The following ARHGAP6 variants were observed in gnomAD, a reference collection of about 807,000 sequenced individuals.
The protein encoded by ARHGAP6 is Rho GTPase activating protein 6.
ARHGAP6 carries 16 observed loss-of-function variants against 55.7 expected under a neutral mutation model. The observed-to-expected ratio is 0.29, with a 90% CI of 0.19 to 0.44. The LOEUF (loss-of-function observed/expected upper bound fraction) is 0.44. ARHGAP6 is among the 20% of genes least tolerant of loss of function. The probability of loss-of-function intolerance (pLI) is 1.00; values close to 1 mark genes in which losing one functional copy is unlikely to be tolerated. For missense variants in ARHGAP6, 698 were observed against 808.9 expected (o/e 0.86, Z 1.66); for synonymous variants, 382 against 360.9 (o/e 1.06, Z -0.66).
chrX:11,518,550 T>C (rs2050872790), intron 1 of ARHGAP6, among the ~76,000 whole-genome samples: 1 of 103,987 alleles, frequency 9.6e-6, no homozygotes, highest in Admixed American at 1.1e-4. Flanking sequence ...AGAGTAACAG[T>C]GCCTTCCAAC....
intron 10 of ARHGAP6, among the ~76,000 whole-genome samples, chrX:11,144,745 ATACT>A (rs2045666725): frequency 8.9e-6 from 1 of 112,586 alleles, no homozygotes; most frequent in South Asian, 3.7e-4. Flanking sequence ...TCCCACCAAA[ATACT>A]TACTGTACTT....
At chrX:11,386,095 C>T (rs1000901065) in intron 1 of ARHGAP6, among the ~76,000 whole-genome samples, 10 of 112,622 alleles carry the variant, frequency 8.9e-5, no homozygotes, top group South Asian at 7.3e-4. Flanking sequence ...ACAGAGCAGG[C>T]ACAGCAAATC....
intron 2 of ARHGAP6, among the ~76,000 whole-genome samples, chrX:11,249,728 G>A (rs1026383133): frequency 1.8e-5 from 2 of 112,131 alleles, no homozygotes; most frequent in Non-Finnish European, 3.8e-5. Context: ...TTGTAATAAA[G>A]TTTTATGCAA....
intron 1 of ARHGAP6, among the ~76,000 whole-genome samples, chrX:11,375,369 T>G (rs2049189012): frequency 8.9e-6 from 1 of 112,346 alleles, no homozygotes; most frequent in South Asian, 3.7e-4. Flanking sequence ...AGCAATGACA[T>G]GAAACATTTA....
At chrX:11,154,460 A>C (rs1435134861) in intron 10 of ARHGAP6, among the ~76,000 whole-genome samples, 1 of 112,524 alleles carries the variant, frequency 8.9e-6, no homozygotes, top group African/African-American at 3.2e-5. Context: ...ATATGCAAAG[A>C]GTGTATTTGA....
Position 11,178,266 on chromosome X carries a change from A to G in ARHGAP6, c.1481-18T>C, listed in dbSNP as rs1477112228. ...CTCCAACACTAAGCAAGGCAAAAAG[A>G]GGTACTCAAATAAAAGGGGAGCCCA... On this transcript the variant is annotated intron_variant, in intron 7 of 12. Coordinates refer to ENST00000337414, the MANE Select transcript of ARHGAP6 (RefSeq NM_013427.3). 1.7e-6 allele frequency: 2 copies of G among 1,188,556 alleles called. No individual in the cohort carries two copies. The highest frequency in any genetic ancestry group is 3.0e-5 in the East Asian group (1 of 33,013).
chrX:11,180,018 T>A (rs987864858), intron 6 of ARHGAP6, among the ~76,000 whole-genome samples: 4 of 109,784 alleles, frequency 3.6e-5, no homozygotes, highest in African/African-American at 1.3e-4. Context: ...CAAAGAGATT[T>A]TTTTTTTCTG....
rs373804047 is a variant in ARHGAP6, at chrX:11,460,239, T to C, written c.588+204002A>G. On this transcript the variant is annotated intron_variant, in intron 1 of 12. Transcript: ENST00000337414. ...TGAGAGGGCCTGTGAGATGGTCACA[T>C]GGCAAGGAACTTCAAGGGGACTCTA... Among the ~76,000 whole-genome samples, 18 of 111,706 alleles carry C rather than the reference T, an allele frequency of 1.6e-4. No individual in the cohort carries two copies. In the South Asian group the frequency reaches 6.9e-3, roughly 43 times the overall value.
At chrX:11,180,804 C>T (rs964954445) in intron 6 of ARHGAP6, among the ~76,000 whole-genome samples, 1 of 112,152 alleles carries the variant, frequency 8.9e-6, no homozygotes, top group Non-Finnish European at 1.9e-5. Context: ...ACGCCATCAG[C>T]GTGTGTCAGG....
intron 1 of ARHGAP6, among the ~76,000 whole-genome samples, chrX:11,444,994 T>C (rs765219209): frequency 5.3e-5 from 6 of 112,472 alleles, no homozygotes; most frequent in Non-Finnish European, 7.5e-5. Flanking sequence ...GTCTGAAGCA[T>C]TGCAAAGCAC....
chrX:11,279,170 A>T (rs1316506358), intron 1 of ARHGAP6, among the ~76,000 whole-genome samples: 1 of 112,130 alleles, frequency 8.9e-6, no homozygotes, highest in African/African-American at 3.2e-5. Flanking sequence ...AGAATTTATG[A>T]AAGTTAGATC....
At position 11,212,264 on chromosome X, in the gene ARHGAP6, C is replaced by T. The variant is rs765923004; in HGVS notation, c.749-15268G>A. On this transcript the variant is annotated intron_variant, in intron 2 of 12. Transcript: ENST00000337414. The stretch of plus-strand genomic sequence containing the variant: ...ATTTTCTTTAACTAATCAGCCCTTT[C>T]CTCTGAGTAGTCCCAGGTCATATGG... Among the ~76,000 whole-genome samples the T allele has an allele frequency of 7.1e-5, 8 of 111,989 alleles. No homozygotes were observed. The South Asian group carries it at 3.0e-3, about 42-fold the overall frequency.
At chrX:11,303,310 TA>T (rs1298660542) in intron 1 of ARHGAP6, among the ~76,000 whole-genome samples, 2 of 112,448 alleles carry the variant, frequency 1.8e-5, no homozygotes, top group Non-Finnish European at 3.8e-5. Flanking sequence ...ATTTAGATAT[TA>T]AAAAATACCT....
chrX:11,303,522 C>T (rs2048197173), intron 1 of ARHGAP6, among the ~76,000 whole-genome samples: 1 of 112,235 alleles, frequency 8.9e-6, no homozygotes, highest in East Asian at 2.8e-4. Flanking sequence ...TAATAAAGCC[C>T]ATTTGCAAAT....
intron 1 of ARHGAP6, among the ~76,000 whole-genome samples, chrX:11,651,672 G>A (rs2052585641): frequency 9.0e-6 from 1 of 111,705 alleles, no homozygotes; most frequent in Non-Finnish European, 1.9e-5. Flanking sequence ...GGGATTGCTG[G>A]GGTTAGATGG....
chrX:11,360,115 C>T (rs1228865496), intron 1 of ARHGAP6, among the ~76,000 whole-genome samples: 6 of 111,622 alleles, frequency 5.4e-5, no homozygotes, highest in African/African-American at 1.6e-4. Context: ...GAAACTATTC[C>T]AATCAATACA....
chrX:11,450,900 C>G (rs977731397), intron 1 of ARHGAP6, among the ~76,000 whole-genome samples: 1 of 111,337 alleles, frequency 9.0e-6, no homozygotes, highest in African/African-American at 3.3e-5. Flanking sequence ...GTGGCAAAAT[C>G]CTCCCCCATT....
chrX:11,418,069 A>T (rs1375902311), intron 1 of ARHGAP6, among the ~76,000 whole-genome samples: 1 of 112,225 alleles, frequency 8.9e-6, no homozygotes, highest in African/African-American at 3.2e-5. Context: ...ACTAAGCATC[A>T]GGCACATGCT....
chrX:11,142,164 G>T, intron 12 of ARHGAP6, 69 bp downstream of exon 12: 1 of 744,709 alleles, frequency 1.3e-6, no homozygotes, highest in Non-Finnish European at 1.9e-6. Flanking sequence ...GTAATATAAT[G>T]ATAGTAAAGA....
Sources: gnomAD v4.1 joint callset for allele counts (sites outside exome capture counted in the v4.1 genomes callset) on GRCh38, gnomAD v4.1.1 for gene constraint, MANE v1.5 for transcripts, NCBI Gene and HGNC (gene_info 2026-07-23, HGNC 2026-07-21) for gene names.